HAO2: variants seen among roughly 807,000 people sequenced by gnomAD.
The protein encoded by HAO2 is hydroxyacid oxidase 2.
HAO2 carries 42 observed loss-of-function variants against 37.4 expected under a neutral mutation model. That is an observed-to-expected ratio of 1.12 (90% confidence interval 0.88 to 1.45). The LOEUF is 1.45. Among genes scored for constraint, HAO2 ranks in the 40% most tolerant of loss-of-function variants. The pLI is 0.00. For synonymous variants in HAO2, 180 were observed against 162.8 expected (o/e 1.11, Z -0.81); for missense variants, 476 against 430.2 (o/e 1.11, Z -0.94).
intron 4 of HAO2, 36 bp from the exon 5 acceptor site, chr1:119,386,586 G>A (rs1650396174): frequency 7.8e-7 from 1 of 1,286,800 alleles, no homozygotes; most frequent in African/African-American, 1.5e-5. Flanking sequence ...AGCCTTGTGA[G>A]AGCTCAGGAC....
rs1419814358 is a variant in HAO2, at chr1:119,393,989, G to C, written c.*149G>C. Reference sequence around the variant, plus strand: ...CCACATTTCTAATACCACCACCCCTGTGCTTCAGGCCCTCCAAACCCCTGT... The same window carrying C: ...CCACATTTCTAATACCACCACCCCTCTGCTTCAGGCCCTCCAAACCCCTGT... On this transcript the variant is annotated 3_prime_UTR_variant, in exon 8 of 8. Transcript: ENST00000325945. 9 of 1,489,362 alleles carry C rather than the reference G, an allele frequency of 6.0e-6. No homozygotes were observed. In the South Asian group the frequency reaches 6.5e-5, roughly 11 times the overall value. 92.3% of individuals were successfully genotyped at this position (1,489,362 alleles called of 1,614,324 possible).
intron 1 of HAO2, 85 bp from the exon 2 acceptor site, chr1:119,380,993 C>A: frequency 8.6e-7 from 1 of 1,166,258 alleles, no homozygotes; most frequent in Non-Finnish European, 1.3e-6. Flanking sequence ...CAAACAATTT[C>A]ATACTGCAGC....
In HAO2 at chr1:119,393,909, GTGA is replaced by G; in HGVS notation, c.*72_*74del. ...GGATCACAAACTCACAGCACAGTGTGTGATGCTGTCCTTCCTGGACCCCATTCT... is the reference window on the plus strand; with the variant it reads ...GGATCACAAACTCACAGCACAGTGTGTGCTGTCCTTCCTGGACCCCATTCT... On this transcript the variant is annotated 3_prime_UTR_variant, in exon 8 of 8. Coordinates refer to ENST00000325945, the MANE Select transcript of HAO2 (RefSeq NM_016527.4). 6.2e-7 allele frequency: 1 copy of G among 1,609,140 alleles called. No homozygotes were observed. Among genetic ancestry groups the G allele is most frequent in the South Asian group, 1.1e-5 (1 of 90,920 alleles).
At position 119,384,773 on chromosome 1, in the gene HAO2, C is replaced by T; in HGVS notation, c.284-3C>T. On this transcript the variant is annotated splice_region_variant and splice_polypyrimidine_tract_variant and intron_variant, in intron 3 of 7. Coordinates refer to ENST00000325945, the MANE Select transcript of HAO2 (RefSeq NM_016527.4). Reference sequence around the variant, plus strand: ...AGCCTGAGTCATGTCCTTTGCTTTACAGCTGCCCAAGCGGCTGGTATCTGC... The same window carrying T: ...AGCCTGAGTCATGTCCTTTGCTTTATAGCTGCCCAAGCGGCTGGTATCTGC... The T allele has an allele frequency of 6.2e-7, 1 of 1,613,464 alleles. No individual in the cohort carries two copies. The highest frequency in any genetic ancestry group is 8.5e-7 in the Non-Finnish European group (1 of 1,179,642).
intron 1 of HAO2, among the ~76,000 whole-genome samples, chr1:119,376,720 C>T (rs587638709): frequency 9.8e-5 from 15 of 152,352 alleles, no homozygotes; most frequent in African/African-American, 3.1e-4. Context: ...TTATCTTCTG[C>T]ACATCCACAT....
intron 1 of HAO2, among the ~76,000 whole-genome samples, chr1:119,379,308 A>C (rs1371081218): frequency 6.6e-6 from 1 of 152,154 alleles, no homozygotes; most frequent in Non-Finnish European, 1.5e-5. Context: ...CATAAACCAC[A>C]TTGTTTATAC....
At position 119,384,807 on chromosome 1, in the gene HAO2, C is replaced by G. The variant is rs1650247495; in HGVS notation, c.315C>G (p.Thr105=). The G allele has an allele frequency of 6.2e-7, 1 of 1,613,816 alleles. No individual in the cohort carries two copies. Among genetic ancestry groups the G allele is most frequent in the Non-Finnish European group, 8.5e-7 (1 of 1,179,898 alleles). Residue 105 remains threonine, a synonymous_variant, in exon 4 of 8, where the codon ACC becomes ACG. Coordinates refer to ENST00000325945, the MANE Select transcript of HAO2 (RefSeq NM_016527.4). Reference sequence around the variant, plus strand: ...AAGCGGCTGGTATCTGCTACATCACCAGCACATTTGCCAGCTGTAGCCTTG... The same window carrying G: ...AAGCGGCTGGTATCTGCTACATCACGAGCACATTTGCCAGCTGTAGCCTTG... The part of the protein sequence containing the change: ...AAQAAGICYI[T]STFASCSLED...
intron 1 of HAO2, among the ~76,000 whole-genome samples, chr1:119,378,619 T>C (rs369337244): frequency 9.9e-5 from 15 of 152,214 alleles, no homozygotes; most frequent in African/African-American, 3.4e-4. Context: ...ATGCTAGGGT[T>C]GATTCTTTAT....
At chr1:119,389,289 C>A (rs1650678933) in intron 5 of HAO2, among the ~76,000 whole-genome samples, 1 of 148,572 alleles carries the variant, frequency 6.7e-6, no homozygotes, top group Admixed American at 6.8e-5. Flanking sequence ...ATAATGACTT[C>A]TTTTCCCCTG....
In HAO2 at chr1:119,385,682, G is replaced by C. The variant is rs72563182; in HGVS notation, c.561+629G>C. On this transcript the variant is annotated intron_variant, in intron 4 of 7. Transcript: ENST00000325945. The stretch of plus-strand genomic sequence containing the variant: ...CAATTAAATGGCAAGAAGTGCCTCA[G>C]AGAGAGACAGCCATGATAAAGTGGG... 354 of 985,398 alleles carry C rather than the reference G, an allele frequency of 3.6e-4. 2 individuals are homozygous for C. The African/African-American group carries it at 5.2e-3, about 15-fold the overall frequency. The allele number at this position is 985,398 out of a possible 1,614,324, so 61.0% of individuals were successfully genotyped here.
chr1:119,387,184 C>T (rs1650463452), intron 5 of HAO2, among the ~76,000 whole-genome samples: 1 of 152,128 alleles, frequency 6.6e-6, no homozygotes, highest in Admixed American at 6.5e-5. Flanking sequence ...TTTGATTAGA[C>T]AGATGTTCTA....
rs144160916 is a variant in HAO2 at position 119,383,994 on chromosome 1, C to T, written c.284-782C>T. ...GAAAGAATGGGGTATCTCCTGTTGACATGAAAAATTGAAAATGTTAATTTT... is the reference window on the plus strand; with the variant it reads ...GAAAGAATGGGGTATCTCCTGTTGATATGAAAAATTGAAAATGTTAATTTT... On this transcript the variant is annotated intron_variant, in intron 3 of 7. Transcript: ENST00000325945. Among the ~76,000 whole-genome samples, 15 of 152,288 alleles carry T rather than the reference C, an allele frequency of 9.8e-5. No individual in the cohort carries two copies. The East Asian group carries it at 1.7e-3, about 18-fold the overall frequency.
intron 3 of HAO2, among the ~76,000 whole-genome samples, chr1:119,383,696 A>C (rs587698686): frequency 6.6e-6 from 1 of 151,862 alleles, no homozygotes; most frequent in Non-Finnish European, 1.5e-5. Flanking sequence ...ATAGAAAAGG[A>C]GAGATGGGGC....
intron 5 of HAO2, among the ~76,000 whole-genome samples, chr1:119,390,387 G>T (rs934414900): frequency 4.6e-5 from 7 of 152,226 alleles, no homozygotes; most frequent in Middle Eastern, 3.4e-3. Flanking sequence ...AAGTAGCTGG[G>T]ATTACAGGCA....
At position 119,389,137 on chromosome 1, in the gene HAO2, C is replaced by CAT. The variant is rs59891150; in HGVS notation, c.771+2336_771+2337dup. On this transcript the variant is annotated intron_variant, in intron 5 of 7. Transcript: ENST00000325945. The stretch of plus-strand genomic sequence containing the variant: ...TTCTTATGGCTGAGTAGTATTTCAT[C>CAT]ATATATATATATATATATATATATA... Among the ~76,000 whole-genome samples the CAT allele has an allele frequency of 2.4e-3, 8 of 3,324 alleles. 2 individuals are homozygous for CAT. Among genetic ancestry groups the CAT allele is most frequent in the African/African-American group, 5.6e-3 (4 of 710 alleles). The allele number at this position is 3,324 out of a possible 152,430, so 2.2% of individuals were successfully genotyped here. A position where few individuals can be genotyped will look rare whatever the true frequency, so the allele number is the denominator to read the frequency against.
At chr1:119,374,729 T>A (rs1200469173) in intron 1 of HAO2, among the ~76,000 whole-genome samples, 2 of 152,278 alleles carry the variant, frequency 1.3e-5, no homozygotes, top group Middle Eastern at 3.4e-3. Flanking sequence ...AACCCTGAGT[T>A]CCTAAAGCAA....
intron 5 of HAO2, among the ~76,000 whole-genome samples, chr1:119,388,036 G>T (rs587692004): frequency 6.6e-6 from 1 of 152,254 alleles, no homozygotes; most frequent in South Asian, 2.1e-4. Flanking sequence ...GTGTCTCTCT[G>T]GTAAGAGCTG....
chr1:119,375,431 A>G (rs1010658263), intron 1 of HAO2, among the ~76,000 whole-genome samples: 10 of 152,172 alleles, frequency 6.6e-5, no homozygotes, highest in African/African-American at 1.7e-4. Context: ...CATATATTAT[A>G]TTAAAAATAT....
chr1:119,382,929 C>T lies in HAO2; in HGVS notation c.146C>T (p.Pro49Leu), dbSNP rs371185540. The T allele has an allele frequency of 5.6e-6, 9 of 1,613,438 alleles. No homozygotes were observed. The highest frequency in any genetic ancestry group is 4.5e-5 in the East Asian group (2 of 44,826). ...IAAFKRIRLR[P>L]RYLRDVSEVD... The stretch of plus-strand genomic sequence containing the variant: ...GTCCGGCACAGAATTCGCCTCCGTC[C>T]GCGGTACCTGAGAGATGTGTCTGAG... Residue 49 changes from proline to leucine, a missense_variant, in exon 3 of 8, where the codon CCG becomes CTG. Pro to Leu is a moderately conservative substitution (Grantham distance 98). Transcript: ENST00000325945.
Sources: allele counts gnomAD v4.1 joint callset (sites outside exome capture counted in the v4.1 genomes callset), GRCh38; gene constraint gnomAD v4.1.1; transcripts MANE v1.5; gene names NCBI Gene and HGNC (gene_info 2026-07-23, HGNC 2026-07-21).